The following PRKAR2A variants were observed in gnomAD, a reference collection of about 807,000 sequenced individuals.
The protein encoded by PRKAR2A is protein kinase cAMP-dependent type II regulatory subunit alpha.
Under a neutral mutation model 51.9 loss-of-function variants are expected in PRKAR2A, and 29 were observed. The ratio of observed to expected loss-of-function variants is 0.56; its 90% CI spans 0.42 to 0.76. PRKAR2A has a LOEUF of 0.76. PRKAR2A is among the 30% of genes least tolerant of loss of function. The pLI, the probability that PRKAR2A is intolerant of heterozygous loss-of-function variation, is 0.00. For missense variants in PRKAR2A, 445 were observed against 512.1 expected (o/e 0.87, Z 1.26); for synonymous variants, 178 against 186.2 (o/e 0.96, Z 0.36).
At chr3:48,819,012 T>G (rs2082917109) in intron 1 of PRKAR2A, among the ~76,000 whole-genome samples, 1 of 152,144 alleles carries the variant, frequency 6.6e-6, no homozygotes, top group Admixed American at 6.6e-5. Flanking sequence ...AAACACTTTT[T>G]TTTTTTTGAG....
At chr3:48,755,047 G>A (rs1212780462) in intron 9 of PRKAR2A, among the ~76,000 whole-genome samples, 1 of 148,090 alleles carries the variant, frequency 6.8e-6, no homozygotes, top group South Asian at 2.2e-4. Flanking sequence ...GCCCAGGCTG[G>A]AGTACAGTGG....
At chr3:48,758,305 G>A (rs550832868) in intron 8 of PRKAR2A, among the ~76,000 whole-genome samples, 1 of 151,114 alleles carries the variant, frequency 6.6e-6, no homozygotes, top group Admixed American at 6.6e-5. Context: ...ATGGCCTGGT[G>A]CAGTGGCTCA....
chr3:48,790,563 A>G lies in PRKAR2A; in HGVS notation c.416T>C (p.Leu139Pro). 6.5e-7 allele frequency: 1 copy of G among 1,549,168 alleles called. No homozygotes were observed. The highest frequency in any genetic ancestry group is 8.7e-7 in the Non-Finnish European group (1 of 1,151,136). ...TGTTACCTGATCAAGATTTTTGAAA[A>G]GGAGAATATCTTTGCAAGCTTCCTG... is the stretch of plus-strand genomic sequence containing the variant. ...RLQEACKDILLFKNLDQEQLS... is the reference protein window; with the variant it reads ...RLQEACKDILPFKNLDQEQLS... The change falls in exon 4 of 11, where the codon CTT becomes CCT. Residue 139 changes from leucine to proline, a missense_variant. Leu to Pro is a moderately conservative substitution (Grantham distance 98, BLOSUM62 -3). Coordinates refer to ENST00000265563, the MANE Select transcript of PRKAR2A (RefSeq NM_004157.4).
chr3:48,802,075 A>G (rs1248909526), intron 2 of PRKAR2A, among the ~76,000 whole-genome samples: 1 of 151,944 alleles, frequency 6.6e-6, no homozygotes, highest in East Asian at 1.9e-4. Flanking sequence ...ACGCCCATCT[A>G]TTTTTGTATT....
At chr3:48,824,565 G>GAA (rs1192294677) in intron 1 of PRKAR2A, among the ~76,000 whole-genome samples, 2 of 138,194 alleles carry the variant, frequency 1.4e-5, no homozygotes, top group African/African-American at 6.6e-5. Flanking sequence ...AAGAAAGAAA[G>GAA]AAAGAAAGAA....
In PRKAR2A at chr3:48,773,121, C is replaced by T. The variant is rs373927002; in HGVS notation, c.543-13G>A. On this transcript the variant is annotated splice_polypyrimidine_tract_variant and intron_variant, in intron 5 of 10. Coordinates refer to ENST00000265563, the MANE Select transcript of PRKAR2A (RefSeq NM_004157.4). Reference sequence around the variant, plus strand: ...GTCATAAGTTCCCCTAGAAGAATGACAAAGAATAATTTAATTAGTTACTTC... The same window carrying T: ...GTCATAAGTTCCCCTAGAAGAATGATAAAGAATAATTTAATTAGTTACTTC... The T allele has an allele frequency of 4.2e-5, 66 of 1,584,588 alleles. No homozygotes were observed. The highest frequency in any genetic ancestry group is 5.2e-5 in the Non-Finnish European group (60 of 1,158,302).
chr3:48,807,117 G>A (rs1350903972), intron 2 of PRKAR2A, among the ~76,000 whole-genome samples: 1 of 152,060 alleles, frequency 6.6e-6, no homozygotes, highest in Non-Finnish European at 1.5e-5. Flanking sequence ...ATAAAATGAT[G>A]TGAAGTACTA....
chr3:48,839,644 TC>T (rs2083344974), intron 1 of PRKAR2A, among the ~76,000 whole-genome samples: 1 of 152,216 alleles, frequency 6.6e-6, no homozygotes, highest in African/African-American at 2.4e-5. Context: ...GTTTTTTGAC[TC>T]TTTCCAATAG....
Position 48,772,919 on chromosome 3 carries a change from C to T in PRKAR2A, c.696+36G>A, listed in dbSNP as rs773157053. On this transcript the variant is annotated intron_variant, in intron 6 of 10. Transcript: ENST00000265563. ...CAGAGACACAGAAAGGGAATTAATACTGTGCCTTGCAAGGGGAACGATTTC... is the reference window on the plus strand; with the variant it reads ...CAGAGACACAGAAAGGGAATTAATATTGTGCCTTGCAAGGGGAACGATTTC... The T allele has an allele frequency of 3.1e-6, 5 of 1,596,532 alleles. No homozygotes were observed. The Admixed American group carries it at 8.6e-5, about 28-fold the overall frequency.
intron 1 of PRKAR2A, among the ~76,000 whole-genome samples, chr3:48,840,651 A>C (rs1323253001): frequency 8.7e-6 from 1 of 115,184 alleles, no homozygotes; most frequent in Non-Finnish European, 1.6e-5. Flanking sequence ...ATCTCGGCTC[A>C]CTGCAAGCTC....
chr3:48,776,389 A>G (rs185332151), intron 5 of PRKAR2A, among the ~76,000 whole-genome samples: 41 of 152,302 alleles, frequency 2.7e-4, no homozygotes, highest in South Asian at 2.1e-4. Context: ...TCACCAGGTA[A>G]TATCTATAAT....
intron 9 of PRKAR2A, among the ~76,000 whole-genome samples, chr3:48,754,395 G>C (rs945955550): frequency 6.6e-6 from 1 of 151,896 alleles, no homozygotes; most frequent in Middle Eastern, 3.4e-3. Flanking sequence ...GTGCCACCAC[G>C]CCCGGCTAAT....
chr3:48,841,432 C>T (rs1459066994), intron 1 of PRKAR2A, among the ~76,000 whole-genome samples: 1 of 149,574 alleles, frequency 6.7e-6, no homozygotes, highest in Non-Finnish European at 1.5e-5. Context: ...GTAATCCCAG[C>T]TACTCGGAAG....
At chr3:48,808,532 C>T (rs538031771) in intron 1 of PRKAR2A, among the ~76,000 whole-genome samples, 122 of 151,366 alleles carry the variant, frequency 8.1e-4, no homozygotes, top group African/African-American at 2.8e-3. Flanking sequence ...GGATTACAGG[C>T]GTGAGCCACC....
At chr3:48,780,565 T>A (rs1295729261) in intron 5 of PRKAR2A, among the ~76,000 whole-genome samples, 1 of 140,248 alleles carries the variant, frequency 7.1e-6, no homozygotes, top group Non-Finnish European at 1.5e-5. Flanking sequence ...ATCGCGCCAC[T>A]GCACTCCAGC....
rs767517265 is a variant in PRKAR2A, at chr3:48,765,346, G to A, written c.700C>T (p.Arg234Trp). Residue 234 changes from arginine to tryptophan, a missense_variant, in exon 7 of 11, where the codon CGG becomes TGG. By Grantham distance (101) the Arg-to-Trp change is moderately radical. Transcript: ENST00000265563. ...ACTATGATTCTTCTAAAAGTCACCC[G>A]GTCCTACAAGAAAGAATATGAAAAT... ...TSEGSLWGLD[R>W]VTFRRIIVKN... The A allele has an allele frequency of 9.4e-6, 15 of 1,594,124 alleles. No individual in the cohort carries two copies. Among genetic ancestry groups the A allele is most frequent in the East Asian group, 2.2e-5 (1 of 44,754 alleles).
At chr3:48,775,091 T>C (rs2082085542) in intron 5 of PRKAR2A, among the ~76,000 whole-genome samples, 1 of 152,150 alleles carries the variant, frequency 6.6e-6, no homozygotes, top group Non-Finnish European at 1.5e-5. Flanking sequence ...TGCTTTGCTG[T>C]AGGTATTGAT....
chr3:48,800,902 C>G lies in PRKAR2A; in HGVS notation c.298+6747G>C, dbSNP rs1054081784. Among the ~76,000 whole-genome samples, 10 of 151,938 alleles carry G rather than the reference C, an allele frequency of 6.6e-5. No individual in the cohort carries two copies. The South Asian group carries it at 2.1e-3, about 32-fold the overall frequency. On this transcript the variant is annotated intron_variant, in intron 2 of 10. Transcript: ENST00000265563. ...GTTAGCCAGGATGGTCTCCATCTCC[C>G]GACCTCGTGATCCACCCGCCTCAGC... is the stretch of plus-strand genomic sequence containing the variant.
Position 48,756,460 on chromosome 3 carries a change from G to A in PRKAR2A, c.874-16C>T. 5 of 1,603,554 alleles carry A rather than the reference G, an allele frequency of 3.1e-6. No homozygotes were observed. The highest frequency in any genetic ancestry group is 4.3e-6 in the Non-Finnish European group (5 of 1,170,674). On this transcript the variant is annotated splice_polypyrimidine_tract_variant and intron_variant, in intron 8 of 10. Coordinates refer to ENST00000265563, the MANE Select transcript of PRKAR2A (RefSeq NM_004157.4). ...CCTTTTCACCCTGAAAGAAAAGAGA[G>A]GTCAGGTCAGAGCCATAAGTAGTAT...
Sources: allele counts gnomAD v4.1 joint callset (sites outside exome capture counted in the v4.1 genomes callset), GRCh38; gene constraint gnomAD v4.1.1; transcripts MANE v1.5; gene names NCBI Gene and HGNC (gene_info 2026-07-23, HGNC 2026-07-21).